The following HNF4A variants were observed in gnomAD, a reference collection of about 807,000 sequenced individuals.
HNF4A encodes the protein hepatocyte nuclear factor 4 alpha.
HNF4A carries 15 observed loss-of-function variants against 52.4 expected under a neutral mutation model. That is an observed-to-expected ratio of 0.29 (90% confidence interval 0.19 to 0.44). HNF4A has a LOEUF of 0.44. Ranked by LOEUF, HNF4A falls within the 20% of genes least tolerant of loss-of-function variation. The pLI is 1.00. For missense variants in HNF4A, 479 were observed against 647.2 expected (o/e 0.74, Z 2.82); for synonymous variants, 280 against 264.4 (o/e 1.06, Z -0.57).
In HNF4A at chr20:44,366,558, T is replaced by C. The variant is rs189545396; in HGVS notation, c.49+10705T>C. ...ATCTCTTAAACCCAGGAGGTGGAGA[T>C]TGCAGTGAGCCAAGATCACGCCACT... On this transcript the variant is annotated intron_variant, in intron 1 of 9. Transcript: ENST00000316673. 1.3e-4 allele frequency among the ~76,000 whole-genome samples: 20 copies of C among 152,018 alleles called. No individual in the cohort carries two copies. In the East Asian group the frequency reaches 1.5e-3, roughly 12 times the overall value.
At chr20:44,369,266 A>AAAC (rs2063005905) in intron 1 of HNF4A, among the ~76,000 whole-genome samples, 1 of 148,268 alleles carries the variant, frequency 6.7e-6, no homozygotes, top group Non-Finnish European at 1.5e-5. Context: ...AAAAAAAAAA[A>AAAC]AAAAAAAAAA....
chr20:44,416,980 T>C (rs1190605156), intron 5 of HNF4A, among the ~76,000 whole-genome samples: 2 of 152,166 alleles, frequency 1.3e-5, no homozygotes, highest in African/African-American at 2.4e-5. Context: ...TGTACTTATT[T>C]GTTCTCTACT....
At chr20:44,412,983 A>T (rs1454761243) in intron 3 of HNF4A, among the ~76,000 whole-genome samples, 1 of 152,174 alleles carries the variant, frequency 6.6e-6, no homozygotes, top group Non-Finnish European at 1.5e-5. Flanking sequence ...GCCTCATTCC[A>T]CAGTGAGGCC....
chr20:44,396,897 G>T (rs547378853), upstream of HNF4A, among the ~76,000 whole-genome samples: 2 of 152,220 alleles, frequency 1.3e-5, no homozygotes, highest in Non-Finnish European at 2.9e-5. Context: ...CACAAGGTCT[G>T]TGGTTTATTC....
rs755961897 is a variant in HNF4A, at chr20:44,428,479, G to A, written c.1274G>A (p.Gly425Glu). The A allele has an allele frequency of 1.5e-5, 25 of 1,613,944 alleles. 1 individual carries two copies. The South Asian group carries it at 2.5e-4, about 16-fold the overall frequency. The change falls in exon 9 of 10, where the codon GGA becomes GAA. Residue 425 changes from glycine (G) to glutamate (E), a missense_variant. Around this residue, in one of 3 missense-constraint regions of HNF4A, gnomAD observed 389 missense variants for 525.1 expected, o/e 0.74. Transcript: ENST00000316099. ...ATGTGTGAGTGGCCCCGACCCAGGG[G>A]ACAGGCAGGTGGGCAAACTCTGGGA...
At chr20:44,427,019 T>C (rs2063822022) in intron 8 of HNF4A, among the ~76,000 whole-genome samples, 1 of 152,180 alleles carries the variant, frequency 6.6e-6, no homozygotes, top group African/African-American at 2.4e-5. Context: ...TTCTCAACAT[T>C]GGTACTATTG....
In HNF4A at chr20:44,431,504, T is replaced by C. The variant is rs2063877520; in HGVS notation, c.*1839T>C. ...CTGTTGGCATGGGGGTGGGACAGTG[T>C]GCACAGTGTGGGGGCAGGGGAGGGC... On this transcript the variant is annotated 3_prime_UTR_variant, in exon 10 of 10. Coordinates refer to ENST00000316099, the MANE Select transcript of HNF4A (RefSeq NM_000457.6). The C allele has an allele frequency of 6.6e-6, 1 of 152,012 alleles. No individual in the cohort carries two copies. The highest frequency in any genetic ancestry group is 2.1e-4 in the South Asian group (1 of 4,816). 9.4% of individuals were successfully genotyped at this position (152,012 alleles called of 1,614,324 possible). A position where few individuals can be genotyped will look rare whatever the true frequency, so the allele number is the denominator to read the frequency against.
intron 1 of HNF4A, among the ~76,000 whole-genome samples, chr20:44,370,988 T>C (rs2063027532): frequency 6.6e-6 from 1 of 152,056 alleles, no homozygotes; most frequent in Non-Finnish European, 1.5e-5. Flanking sequence ...CAGAAAGTTG[T>C]CAAAACAGGC....
At chr20:44,402,449 C>T (rs115786018) in intron 1 of HNF4A, 17 of 606,854 alleles carry the variant, frequency 2.8e-5, no homozygotes, top group African/African-American at 1.7e-4. Context: ...CGGGGGTCAG[C>T]GGTCTCTGGT....
At chr20:44,403,383 GC>G (rs1427648582) in intron 1 of HNF4A, among the ~76,000 whole-genome samples, 1 of 152,230 alleles carries the variant, frequency 6.6e-6, no homozygotes, top group Non-Finnish European at 1.5e-5. Flanking sequence ...CCCAGGGCTG[GC>G]CAGAGGATAA....
chr20:44,355,749 G>C, exon 1 of HNF4A: 2 of 1,555,500 alleles, frequency 1.3e-6, no homozygotes, highest in Non-Finnish European at 1.8e-6. Context: ...TGCTGCTGCT[G>C]TGAGCGGGCC....
At chr20:44,368,976 G>T (rs1362365896) in intron 1 of HNF4A, among the ~76,000 whole-genome samples, 1 of 151,952 alleles carries the variant, frequency 6.6e-6, no homozygotes, top group African/African-American at 2.4e-5. Flanking sequence ...GGCTGGGCAC[G>T]GTGGCTCACG....
chr20:44,402,695 T>G (rs2063428449), intron 1 of HNF4A: 2 of 1,150,904 alleles, frequency 1.7e-6, no homozygotes. Context: ...AAGAGCCCCA[T>G]CGGTCCCAGG....
At chr20:44,401,930 C>T (rs1218587606) in intron 1 of HNF4A, among the ~76,000 whole-genome samples, 1 of 152,082 alleles carries the variant, frequency 6.6e-6, no homozygotes, top group Admixed American at 6.6e-5. Context: ...GGAGACATAA[C>T]CGCATTTCTC....
chr20:44,398,135 G>A (rs536042041), upstream of HNF4A, among the ~76,000 whole-genome samples: 1 of 152,328 alleles, frequency 6.6e-6, no homozygotes, highest in East Asian at 1.9e-4. Flanking sequence ...TATTTCAGGG[G>A]CATGGGATCA....
At chr20:44,374,711 G>T (rs555319879) in intron 1 of HNF4A, among the ~76,000 whole-genome samples, 1 of 152,160 alleles carries the variant, frequency 6.6e-6, no homozygotes, top group African/African-American at 2.4e-5. Context: ...TGATCCGCCC[G>T]CCTCGGCCTC....
At chr20:44,428,264 GA>G in intron 8 of HNF4A, 70 bp from the exon 9 acceptor site, 1 of 1,536,876 alleles carries the variant, frequency 6.5e-7, no homozygotes, top group East Asian at 2.2e-5. Context: ...CACGCCTGAG[GA>G]AGATGGCGTC....
chr20:44,384,824 A>G (rs981808400), intron 1 of HNF4A, among the ~76,000 whole-genome samples: 1 of 152,176 alleles, frequency 6.6e-6, no homozygotes, highest in Non-Finnish European at 1.5e-5. Context: ...CTAGAGAGAT[A>G]GGCTGAGTCA....
chr20:44,405,034 G>A (rs1366636122), intron 1 of HNF4A, among the ~76,000 whole-genome samples: 9 of 114,878 alleles, frequency 7.8e-5, no homozygotes, highest in East Asian at 4.6e-4. Context: ...TGTGTGGTGC[G>A]TGTGTGTGCT....
Sources: allele counts gnomAD v4.1 joint callset (sites outside exome capture counted in the v4.1 genomes callset), GRCh38; gene constraint gnomAD v4.1.1; regional missense constraint gnomAD v4.1.1; transcripts MANE v1.5; gene names NCBI Gene and HGNC (gene_info 2026-07-23, HGNC 2026-07-21).